The following VLDLR variants were observed in gnomAD, a reference collection of about 807,000 sequenced individuals.
VLDLR encodes very low-density lipoprotein receptor.
A neutral mutation model predicts 112.7 loss-of-function variants in VLDLR; 81 were observed. The ratio of observed to expected loss-of-function variants is 0.72; its 90% CI spans 0.60 to 0.86. The LOEUF is 0.86. Ranked by LOEUF, VLDLR falls within the 40% of genes least tolerant of loss-of-function variation. The pLI, the probability that VLDLR is intolerant of heterozygous loss-of-function variation, is 0.00. For synonymous variants in VLDLR, 436 were observed against 384.8 expected, an observed-to-expected ratio of 1.13 and a Z score of -1.56; for missense variants, 1,237 against 1,099.4, an observed-to-expected ratio of 1.13 and a Z score of -1.77.
chr9:2,637,517 T>C (rs768880640), intron 2 of VLDLR, among the ~76,000 whole-genome samples: 1 of 152,220 alleles, frequency 6.6e-6, no homozygotes, highest in South Asian at 2.1e-4. Flanking sequence ...ATCCTTTCTT[T>C]ACCCTCCCAG....
chr9:2,650,153 C>G lies in VLDLR; in HGVS notation c.2105-217C>G, dbSNP rs1281305464. 2.0e-5 allele frequency among the ~76,000 whole-genome samples: 3 copies of G among 152,158 alleles called. No individual in the cohort carries two copies. The South Asian group carries it at 6.2e-4, about 32-fold the overall frequency. On this transcript the variant is annotated intron_variant, in intron 14 of 18. Coordinates refer to ENST00000382100, the MANE Select transcript of VLDLR (RefSeq NM_003383.5). ...CTCTTAAAGGCATAACTTTTACAGT[C>G]TATCTCGAAGAGGTCCCTTATCTGG... is the stretch of plus-strand genomic sequence containing the variant.
intron 1 of VLDLR, among the ~76,000 whole-genome samples, chr9:2,634,495 C>G (rs921437001): frequency 2.0e-5 from 3 of 152,206 alleles, no homozygotes; most frequent in Admixed American, 6.5e-5. Flanking sequence ...GCCAGAAGGA[C>G]GGAACTGCTA....
chr9:2,643,077 A>G (rs1817893539), intron 4 of VLDLR, 83 bp from the exon 5 acceptor site: 1 of 1,587,366 alleles, frequency 6.3e-7, no homozygotes, highest in Admixed American at 1.7e-5. Context: ...ATGAATAAAG[A>G]TCAATGTATT....
At chr9:2,641,286 TCA>T in intron 3 of VLDLR, 89 bp from the exon 4 acceptor site, 1 of 1,595,006 alleles carries the variant, frequency 6.3e-7, no homozygotes. Context: ...GGCTACTGAG[TCA>T]CAGGTATTAG....
intron 17 of VLDLR, 101 bp downstream of exon 17, chr9:2,652,055 G>T: frequency 1.9e-6 from 2 of 1,071,232 alleles, no homozygotes; most frequent in Non-Finnish European, 2.8e-6. Context: ...CCTTTATGCT[G>T]TCTAGCATTT....
In VLDLR at chr9:2,652,703, T is replaced by A. The variant is rs576699067; in HGVS notation, c.2417-77T>A. ...TTTTACTAATGTCAATTATTATGGA[T>A]TCCTGAACGTTATTACCTTTCTTGT... is the stretch of plus-strand genomic sequence containing the variant. On this transcript the variant is annotated intron_variant, in intron 17 of 18. Transcript: ENST00000382100. The A allele has an allele frequency of 1.0e-4, 161 of 1,580,728 alleles. 1 individual carries two copies. The African/African-American group carries it at 1.8e-3, about 18-fold the overall frequency.
chr9:2,657,603 T>G lies in VLDLR; in HGVS notation c.*3735T>G, dbSNP rs1299016510. Reference sequence around the variant, plus strand: ...GTATTACATATTCTGCAAGCCCTGTTAGTGGGGAGATGGTAGTGGCAATAG... The same window carrying G: ...GTATTACATATTCTGCAAGCCCTGTGAGTGGGGAGATGGTAGTGGCAATAG... On this transcript the variant is annotated 3_prime_UTR_variant, in exon 19 of 19. Transcript: ENST00000382100. 1 of 152,154 alleles carries G rather than the reference T, an allele frequency of 6.6e-6. No homozygotes were observed. The allele number at this position is 152,154 out of a possible 1,614,324, so 9.4% of individuals were successfully genotyped here.
Position 2,655,001 on chromosome 9 carries a change from G to C in VLDLR, c.*1133G>C, listed in dbSNP as rs1818541737. ...TGTGGTCCTGAGAACAGAAGCATCT[G>C]CATCACCTGGGAATGTATTAGAAAT... On this transcript the variant is annotated 3_prime_UTR_variant, in exon 19 of 19. Transcript: ENST00000382100. 6.6e-6 allele frequency: 1 copy of C among 152,178 alleles called. No homozygotes were observed. The highest frequency in any genetic ancestry group is 2.4e-5 in the African/African-American group (1 of 41,432). The allele number at this position is 152,178 out of a possible 1,614,324, so 9.4% of individuals were successfully genotyped here. A position where few individuals can be genotyped will look rare whatever the true frequency, so the allele number is the denominator to read the frequency against.
chr9:2,636,625 A>G (rs1025891002), intron 2 of VLDLR, among the ~76,000 whole-genome samples: 6 of 152,212 alleles, frequency 3.9e-5, no homozygotes, highest in Non-Finnish European at 8.8e-5. Context: ...CTACCATCTC[A>G]GGGAAGAAAC....
chr9:2,627,086 C>A (rs1306299442), intron 1 of VLDLR, among the ~76,000 whole-genome samples: 1 of 152,088 alleles, frequency 6.6e-6, no homozygotes, highest in Non-Finnish European at 1.5e-5. Context: ...CTTTGTGGCA[C>A]TTAGTCTAGT....
chr9:2,650,329 A>T, intron 14 of VLDLR, 41 bp from the exon 15 acceptor site: 1 of 1,612,680 alleles, frequency 6.2e-7, no homozygotes, highest in Non-Finnish European at 8.5e-7. Flanking sequence ...TATACTAGGC[A>T]CCGGAATACC....
chr9:2,647,911 T>C, intron 12 of VLDLR: 1 of 568,928 alleles, frequency 1.8e-6, no homozygotes, highest in South Asian at 2.1e-5. Context: ...CTTTTAACAG[T>C]TTTCTTCTGG....
Position 2,655,038 on chromosome 9 carries a change from G to T in VLDLR, c.*1170G>T, listed in dbSNP as rs1818543187. ...AATGTATTAGAAATGCAAGTTCCCA[G>T]CCCCATCCCAGACCTACTGAATCAG... On this transcript the variant is annotated 3_prime_UTR_variant, in exon 19 of 19. Transcript: ENST00000382100. 2.6e-5 allele frequency: 4 copies of T among 152,224 alleles called. No individual in the cohort carries two copies. Among genetic ancestry groups the T allele is most frequent in the Admixed American group, 2.6e-4 (4 of 15,282 alleles). The allele number at this position is 152,224 out of a possible 1,614,324, so 9.4% of individuals were successfully genotyped here.
chr9:2,647,486 G>A lies in VLDLR; in HGVS notation c.1716G>A (p.Trp572Ter). 1.2e-6 allele frequency: 2 copies of A among 1,613,950 alleles called. No individual in the cohort carries two copies. Among genetic ancestry groups the A allele is most frequent in the Non-Finnish European group, 1.7e-6 (2 of 1,179,876 alleles). Residue 572 changes from tryptophan (W) to a stop codon, truncating the protein, a stop_gained, in exon 12 of 19, where the codon TGG (tryptophan) becomes TGA (stop). Coordinates refer to ENST00000382100, the MANE Select transcript of VLDLR (RefSeq NM_003383.5). LOFTEE classifies it high-confidence loss of function. ...TAATTTTTCACAGCTTTGTTTACTG[G>A]TCAGACTGGGGTGAACCAGCTAAAA... The part of the protein sequence containing the change: ...AVDPLSGFVY[W>*]SDWGEPAKIE...
chr9:2,631,320 AC>A (rs1817340629), intron 1 of VLDLR, among the ~76,000 whole-genome samples: 1 of 152,230 alleles, frequency 6.6e-6, no homozygotes, highest in African/African-American at 2.4e-5. Context: ...CTGGGTATCT[AC>A]CCAAAGGAAA....
At chr9:2,629,776 G>A (rs7027942) in intron 1 of VLDLR, among the ~76,000 whole-genome samples, 76,878 of 151,972 alleles carry the variant, frequency 0.51, 20,251 homozygotes, top group Admixed American at 0.6. Context: ...AGTGGCCCCC[G>A]AACTAGTGTT....
intron 4 of VLDLR, among the ~76,000 whole-genome samples, chr9:2,642,225 T>C (rs957893034): frequency 2.6e-5 from 4 of 152,186 alleles, no homozygotes; most frequent in Non-Finnish European, 5.9e-5. Context: ...TACTGCCCTT[T>C]TTATAGGGCC....
At chr9:2,642,504 C>G (rs1817874652) in intron 4 of VLDLR, among the ~76,000 whole-genome samples, 1 of 152,158 alleles carries the variant, frequency 6.6e-6, no homozygotes, top group African/African-American at 2.4e-5. Context: ...ATTCTAATTG[C>G]CACCAAATTG....
Position 2,643,838 on chromosome 9 carries a change from C to T in VLDLR, c.945C>T (p.Val315=), listed in dbSNP as rs1489150352. ...DGSDEVNCKN[V]NQCLGPGKFK... ...TCTCTTCTTTGTTTCTCTTTGTAGT[C>T]AATCAGTGCTTGGGCCCTGGAAAAT... The change falls in exon 7 of 19, where the codon GTC becomes GTT. Residue 315 remains valine, a splice_region_variant and synonymous_variant. Coordinates refer to ENST00000382100, the MANE Select transcript of VLDLR (RefSeq NM_003383.5). 1.2e-6 allele frequency: 2 copies of T among 1,614,046 alleles called. No individual in the cohort carries two copies. The highest frequency in any genetic ancestry group is 1.7e-6 in the Non-Finnish European group (2 of 1,180,044).
Sources: gnomAD v4.1 joint callset for allele counts (sites outside exome capture counted in the v4.1 genomes callset) on GRCh38, gnomAD v4.1.1 for gene constraint, MANE v1.5 for transcripts, NCBI Gene and HGNC (gene_info 2026-07-23, HGNC 2026-07-21) for gene names.